TMA7: variants seen among roughly 807,000 people sequenced by gnomAD.
The protein encoded by TMA7 is translation machinery associated 7 homolog.
A neutral mutation model predicts 12.5 loss-of-function variants in TMA7; 5 were observed. The observed-to-expected ratio is 0.40, with a 90% CI of 0.21 to 0.84. TMA7 has a LOEUF of 0.84. TMA7 is among the 40% of genes least tolerant of loss of function. The pLI is 0.36. For synonymous variants in TMA7, 36 were observed against 28.1 expected (o/e 1.28, Z -0.89); for missense variants, 71 against 75.4 (o/e 0.94, Z 0.22).
chr3:48,440,835 A>C, intron 3 of TMA7: 1 of 602,472 alleles, frequency 1.7e-6, no homozygotes, highest in Non-Finnish European at 3.0e-6. Flanking sequence ...CCTCCCAGGC[A>C]GTCTGGGCTT....
At chr3:48,441,271 C>T (rs1327657727) in intron 3 of TMA7, among the ~76,000 whole-genome samples, 2 of 152,036 alleles carry the variant, frequency 1.3e-5, no homozygotes, top group Non-Finnish European at 2.9e-5. Flanking sequence ...GTCTTGAACT[C>T]CTGACCTCGT....
chr3:48,442,871 A>C (rs188817654), intron 3 of TMA7, among the ~76,000 whole-genome samples: 137 of 152,320 alleles, frequency 9.0e-4, no homozygotes, highest in African/African-American at 3.2e-3. Context: ...GGCAGTTAAG[A>C]ATGTGGACTT....
In TMA7 at chr3:48,440,664, A is replaced by G. The variant is rs1222858987; in HGVS notation, c.160+36A>G. On this transcript the variant is annotated intron_variant, in intron 3 of 3. Coordinates refer to ENST00000438607, the MANE Select transcript of TMA7 (RefSeq NM_015933.6). ...GCCGAATGGAGCTCAAGCTGGCCAA[A>G]CGCTATGAGCACCTATTGGGATGAG... 2.5e-6 allele frequency: 4 copies of G among 1,583,344 alleles called. No individual in the cohort carries two copies. The Admixed American group carries it at 6.9e-5, about 27-fold the overall frequency.
intron 3 of TMA7, chr3:48,440,942 G>T (rs570539436): frequency 1.1e-5 from 5 of 450,448 alleles, no homozygotes; most frequent in Non-Finnish European, 2.0e-5. Context: ...GACGTCGTCC[G>T]CAATCTTTTG....
rs2039624923 is a variant in TMA7 at position 48,444,071 on chromosome 3, G to A, written c.*189G>A. The A allele has an allele frequency of 2.4e-6, 1 of 415,528 alleles. No individual in the cohort carries two copies. Among genetic ancestry groups the A allele is most frequent in the East Asian group, 3.7e-5 (1 of 27,322 alleles). 25.7% of individuals were successfully genotyped at this position (415,528 alleles called of 1,614,324 possible). A position where few individuals can be genotyped will look rare whatever the true frequency, so the allele number is the denominator to read the frequency against. On this transcript the variant is annotated 3_prime_UTR_variant, in exon 4 of 4. Coordinates refer to ENST00000438607, the MANE Select transcript of TMA7 (RefSeq NM_015933.6). ...ACAGTGGCTCATCATCTCTTTAGTT[G>A]TTTTCACTAAGTCGTTCCTACCATA...
chr3:48,443,727 C>T (rs151146971), intron 3 of TMA7, 121 bp from the exon 4 acceptor site: 13 of 648,390 alleles, frequency 2.0e-5, no homozygotes, highest in Middle Eastern at 2.6e-4. Context: ...GCTATCCATG[C>T]TTGTGTTAAA....
intron 3 of TMA7, among the ~76,000 whole-genome samples, chr3:48,443,029 C>G (rs1374964182): frequency 6.6e-6 from 1 of 151,814 alleles, no homozygotes. Context: ...CACTTGAGGT[C>G]TGGAGTTCGA....
At chr3:48,440,352 G>C (rs775498178) in intron 1 of TMA7, 40 bp downstream of exon 1, 3 of 1,611,926 alleles carry the variant, frequency 1.9e-6, no homozygotes, top group Non-Finnish European at 1.7e-6. Flanking sequence ...GGGACGGCGG[G>C]GTGGGGACCG....
chr3:48,440,351 G>C, intron 1 of TMA7, 39 bp downstream of exon 1: 1 of 1,611,954 alleles, frequency 6.2e-7, no homozygotes, highest in Non-Finnish European at 8.5e-7. Context: ...GGGGACGGCG[G>C]GGTGGGGACC....
intron 3 of TMA7, 38 bp downstream of exon 3, chr3:48,440,666 G>C (rs759347675): frequency 2.0e-5 from 31 of 1,579,366 alleles, no homozygotes; most frequent in Admixed American, 5.2e-5. Context: ...CTGGCCAAAC[G>C]CTATGAGCAC....
intron 2 of TMA7, 39 bp downstream of exon 2, chr3:48,440,497 G>T (rs928695090): frequency 6.2e-7 from 1 of 1,603,364 alleles, no homozygotes; most frequent in Admixed American, 1.7e-5. Flanking sequence ...GTGCGGGGGC[G>T]CTGGGAGACA....
chr3:48,443,461 G>T (rs2039612250), intron 3 of TMA7, among the ~76,000 whole-genome samples: 1 of 151,752 alleles, frequency 6.6e-6, no homozygotes, highest in Admixed American at 6.6e-5. Flanking sequence ...TTCAACCTGG[G>T]AGGCAGAGGT....
At chr3:48,441,200 G>T (rs1317549270) in intron 3 of TMA7, among the ~76,000 whole-genome samples, 1 of 151,474 alleles carries the variant, frequency 6.6e-6, no homozygotes, top group Admixed American at 6.6e-5. Context: ...TTTTTGAGAC[G>T]GAGTGCGGCT....
chr3:48,440,925 A>G, intron 3 of TMA7: 2 of 491,282 alleles, frequency 4.1e-6, no homozygotes, highest in Non-Finnish European at 7.3e-6. Context: ...TAAGTTTCTC[A>G]AAGTCTGACG....
At chr3:48,442,452 CTTTTT>C (rs904695197) in intron 3 of TMA7, among the ~76,000 whole-genome samples, 2 of 130,744 alleles carry the variant, frequency 1.5e-5, no homozygotes, top group African/African-American at 5.7e-5. Flanking sequence ...TAACCCTACA[CTTTTT>C]TTTTTTTTTT....
Position 48,440,284 on chromosome 3 carries a change from G to A in TMA7, c.-13G>A. The A allele has an allele frequency of 6.2e-7, 1 of 1,601,356 alleles. No homozygotes were observed. The stretch of plus-strand genomic sequence containing the variant: ...TTCCGGTGGCAGGGTCTGGGGAAGC[G>A]GCGGCAGGCGCCATGTCCGGCCGCG... On this transcript the variant is annotated 5_prime_UTR_variant, in exon 1 of 4. Transcript: ENST00000438607.
chr3:48,440,692 C>T (rs1331152916), intron 3 of TMA7, 64 bp downstream of exon 3: 9 of 1,450,044 alleles, frequency 6.2e-6, no homozygotes, highest in East Asian at 4.7e-5. Context: ...GGGATGAGGG[C>T]GCGGGCATGT....
Position 48,443,749 on chromosome 3 carries a change from A to C in TMA7, c.161-99A>C, listed in dbSNP as rs548383797. 1.1e-5 allele frequency: 10 copies of C among 933,710 alleles called. No homozygotes were observed. The African/African-American group carries it at 1.5e-4, about 14-fold the overall frequency. The allele number at this position is 933,710 out of a possible 1,614,324, so 57.8% of individuals were successfully genotyped here. On this transcript the variant is annotated intron_variant, in intron 3 of 3. Coordinates refer to ENST00000438607, the MANE Select transcript of TMA7 (RefSeq NM_015933.6). ...ATGCTTGTGTTAAAGTGAATGCCCA[A>C]TACAAAAGCCAGGCTTTACTAAGGT...
At chr3:48,442,452 C>CTT (rs904695197) in intron 3 of TMA7, among the ~76,000 whole-genome samples, 1,465 of 130,714 alleles carry the variant, frequency 0.011, 37 homozygotes, top group African/African-American at 0.039. Flanking sequence ...TAACCCTACA[C>CTT]TTTTTTTTTT....
Sources: gnomAD v4.1 joint callset for allele counts (sites outside exome capture counted in the v4.1 genomes callset) on GRCh38, gnomAD v4.1.1 for gene constraint, MANE v1.5 for transcripts, NCBI Gene and HGNC (gene_info 2026-07-23, HGNC 2026-07-21) for gene names.